Variants in EMG1 observed in about 807,000 individuals in gnomAD.
EMG1 encodes EMG1 N1-specific pseudouridine methyltransferase.
A neutral mutation model predicts 26.9 loss-of-function variants in EMG1; 24 were observed. That is an observed-to-expected ratio of 0.89 (90% CI 0.65 to 1.26). The LOEUF is 1.26. EMG1 is among the 50% of genes most tolerant of loss of function. The probability of loss-of-function intolerance (pLI) is 0.00; values close to 1 mark genes in which losing one functional copy is unlikely to be tolerated. For synonymous variants in EMG1, 140 were observed against 112.6 expected (o/e 1.24, Z -1.54); for missense variants, 299 against 307.6 (o/e 0.97, Z 0.21).
chr12:6,977,292 A>C lies in EMG1; in HGVS notation c.*1483A>C, dbSNP rs1555153374. 3 of 1,609,914 alleles carry C rather than the reference A, an allele frequency of 1.9e-6. No individual in the cohort carries two copies. In the South Asian group the frequency reaches 3.3e-5, roughly 18 times the overall value. On this transcript the variant is annotated 3_prime_UTR_variant, in exon 6 of 6. Transcript: ENST00000599672. The surrounding 1 kb of genome is among the most constrained non-coding windows in gnomAD (Gnocchi z 4.5). ...GGAGAGAGAGGCCACTAAGGTAGACAGGCCTGGAGTGTCCTTTGCAACCTT... is the reference window on the plus strand; with the variant it reads ...GGAGAGAGAGGCCACTAAGGTAGACCGGCCTGGAGTGTCCTTTGCAACCTT...
At position 6,979,703 on chromosome 12, in the gene EMG1, G is replaced by C. The variant is rs1240976403; in HGVS notation, c.*3894G>C. ...TTGTCTACCTGGAATGGGATGAGAA[G>C]CTCTGCTGCCCAAAGTGTTTCCTGT... is the stretch of plus-strand genomic sequence containing the variant. On this transcript the variant is annotated 3_prime_UTR_variant, in exon 6 of 6. Coordinates refer to ENST00000599672, the MANE Select transcript of EMG1 (RefSeq NM_006331.8). The C allele has an allele frequency of 8.9e-6, 6 of 675,004 alleles. No homozygotes were observed. In the African/African-American group the frequency reaches 1.1e-4, roughly 12 times the overall value. The allele number at this position is 675,004 out of a possible 1,614,324, so 41.8% of individuals were successfully genotyped here. A position where few individuals can be genotyped will look rare whatever the true frequency, so the allele number is the denominator to read the frequency against.
Position 6,976,861 on chromosome 12 carries a change from G to A in EMG1, c.*1052G>A, listed in dbSNP as rs782242872. On this transcript the variant is annotated 3_prime_UTR_variant, in exon 6 of 6. Coordinates refer to ENST00000599672, the MANE Select transcript of EMG1 (RefSeq NM_006331.8). ...AGGAGTGCTGTGAAAAGGGAGACGAGTAGTTTCTGCACCAGTCCCGCACAG... is the reference window on the plus strand; with the variant it reads ...AGGAGTGCTGTGAAAAGGGAGACGAATAGTTTCTGCACCAGTCCCGCACAG... 9.6e-5 allele frequency: 30 copies of A among 312,824 alleles called. No homozygotes were observed. In the South Asian group the frequency reaches 1.6e-3, roughly 16 times the overall value. The allele number at this position is 312,824 out of a possible 1,614,324, so 19.4% of individuals were successfully genotyped here.
At chr12:6,981,228 C>CGG (rs1555154031), downstream of EMG1, 2 of 1,481,552 alleles carry the variant, frequency 1.3e-6, no homozygotes, top group African/African-American at 2.8e-5. Flanking sequence ...CTTGAATCTC[C>CGG]CCACAAGAGC....
In EMG1 at chr12:6,977,143, G is replaced by A. The variant is rs1464559861; in HGVS notation, c.*1334G>A. 6.3e-7 allele frequency: 1 copy of A among 1,579,044 alleles called. No individual in the cohort carries two copies. Among genetic ancestry groups the A allele is most frequent in the African/African-American group, 1.3e-5 (1 of 74,226 alleles). On this transcript the variant is annotated 3_prime_UTR_variant, in exon 6 of 6. Transcript: ENST00000599672. This position sits in a 1 kb window ranked among gnomAD's most constrained non-coding sequence, Gnocchi z 4.5. ...AGCTGTATTAACTTACCAGGGAAAT[G>A]GATTATTCCATCTTCTTTAACTTCT... is the stretch of plus-strand genomic sequence containing the variant.
rs1251870677 is a variant in EMG1 at position 6,976,014 on chromosome 12, G to A, written c.*205G>A. On this transcript the variant is annotated 3_prime_UTR_variant, in exon 6 of 6. Coordinates refer to ENST00000599672, the MANE Select transcript of EMG1 (RefSeq NM_006331.8). The stretch of plus-strand genomic sequence containing the variant: ...TGGGGTTCCTAAAGTATCCAGTGGT[G>A]TAAAACTGTTTGTTCCCCGGGACTT... 5 of 511,644 alleles carry A rather than the reference G, an allele frequency of 9.8e-6. No individual in the cohort carries two copies. Among genetic ancestry groups the A allele is most frequent in the South Asian group, 5.7e-5 (2 of 35,118 alleles). The allele number at this position is 511,644 out of a possible 1,614,324, so 31.7% of individuals were successfully genotyped here.
Position 6,979,661 on chromosome 12 carries a change from A to G in EMG1, c.*3852A>G. On this transcript the variant is annotated 3_prime_UTR_variant, in exon 6 of 6. Transcript: ENST00000599672. ...CCTCTGACCTTCAGTTATGGAGAGG[A>G]GTGTTTAGGGGTGTGGTTGTCTACC... 1.0e-6 allele frequency: 1 copy of G among 955,120 alleles called. No homozygotes were observed. Among genetic ancestry groups the G allele is most frequent in the Non-Finnish European group, 1.7e-6 (1 of 593,746 alleles). 59.2% of individuals were successfully genotyped at this position (955,120 alleles called of 1,614,324 possible).
chr12:6,996,059 C>T (rs1946633397), intron 7 of EMG1, among the ~76,000 whole-genome samples: 1 of 152,188 alleles, frequency 6.6e-6, no homozygotes, highest in South Asian at 2.1e-4. Context: ...GGCCTCTATT[C>T]TCACTCAGAT....
chr12:6,975,407 T>C, intron 5 of EMG1, 29 bp downstream of exon 5: 1 of 1,562,480 alleles, frequency 6.4e-7, no homozygotes, highest in Non-Finnish European at 8.7e-7. Context: ...CCTGAAATTC[T>C]TGGTAGAGCT....
At chr12:6,993,360 G>A (rs1300880223) in intron 7 of EMG1, among the ~76,000 whole-genome samples, 1 of 151,988 alleles carries the variant, frequency 6.6e-6, no homozygotes, top group Non-Finnish European at 1.5e-5. Context: ...CTTGAACCCA[G>A]GAGGCAGAGA....
chr12:6,980,132 TG>T (rs111897902), downstream of EMG1, among the ~76,000 whole-genome samples: 350 of 151,998 alleles, frequency 2.3e-3, 3 homozygotes, highest in African/African-American at 7.9e-3. Flanking sequence ...GCTGTGGCCT[TG>T]AACTCCTGGG....
intron 6 of EMG1, among the ~76,000 whole-genome samples, chr12:6,985,773 T>G (rs1668559575): frequency 6.7e-6 from 1 of 148,652 alleles, no homozygotes; most frequent in South Asian, 2.1e-4. Flanking sequence ...CAACTGGTGT[T>G]TTTTTTTTTT....
In EMG1 at chr12:6,979,484, G is replaced by T; in HGVS notation, c.*3675G>T. The T allele has an allele frequency of 6.2e-7, 1 of 1,612,006 alleles. No individual in the cohort carries two copies. The highest frequency in any genetic ancestry group is 8.5e-7 in the Non-Finnish European group (1 of 1,178,024). On this transcript the variant is annotated 3_prime_UTR_variant, in exon 6 of 6. Transcript: ENST00000599672. ...GTAGACACTCACGTCATAGTCTTCA[G>T]TGAGGAGATAGTCTTCTGTGATGTG...
intron 6 of EMG1, among the ~76,000 whole-genome samples, chr12:6,985,210 T>C (rs1363933074): frequency 2.0e-5 from 3 of 146,774 alleles, no homozygotes; most frequent in African/African-American, 7.7e-5. Flanking sequence ...GCTAACACGG[T>C]GAAACCCCGT....
chr12:6,975,186 G>A (rs782050058), intron 4 of EMG1, 38 bp downstream of exon 4: 3 of 1,613,980 alleles, frequency 1.9e-6, no homozygotes, highest in South Asian at 1.1e-5. Flanking sequence ...GGCTGGTTCT[G>A]GGAATGTTTC....
downstream of EMG1, chr12:6,983,154 GTCAT>G: frequency 2.1e-6 from 1 of 470,350 alleles, no homozygotes; most frequent in Non-Finnish European, 3.9e-6. Flanking sequence ...GCTTGGCTCG[GTCAT>G]TCAGTTACAT....
rs1946524484 is a variant in EMG1, at chr12:6,986,201, C to G, written c.*155-1581C>G. Reference sequence around the variant, plus strand: ...ACAGCAAGGGTCCCCTTAGACTTCCCTCTGCCTCTGCCACTGCTGAGATGG... The same window carrying G: ...ACAGCAAGGGTCCCCTTAGACTTCCGTCTGCCTCTGCCACTGCTGAGATGG... On this transcript the variant is annotated intron_variant and NMD_transcript_variant, in intron 6 of 7. Transcript: ENST00000261406. Among the ~76,000 whole-genome samples the G allele has an allele frequency of 3.3e-5, 5 of 152,282 alleles. 1 individual carries two copies. The Middle Eastern group carries it at 0.014, about 414-fold the overall frequency.
chr12:6,996,900 G>A (rs1946640838), intron 7 of EMG1, among the ~76,000 whole-genome samples: 2 of 152,170 alleles, frequency 1.3e-5, no homozygotes, highest in Non-Finnish European at 2.9e-5. Context: ...GTAGGAAGGA[G>A]CATGGGGCAT....
downstream of EMG1, among the ~76,000 whole-genome samples, chr12:6,988,852 C>T (rs1490739247): frequency 2.0e-5 from 3 of 152,106 alleles, no homozygotes; most frequent in East Asian, 1.9e-4. Flanking sequence ...GTTGGCCGGG[C>T]GCCGTGGCTC....
downstream of EMG1, chr12:6,981,628 C>T: frequency 1.9e-6 from 3 of 1,594,782 alleles, no homozygotes; most frequent in Non-Finnish European, 2.6e-6. Flanking sequence ...AGTCAACAGC[C>T]AAACCTGAGC....
Sources: gnomAD v4.1 joint callset for allele counts (sites outside exome capture counted in the v4.1 genomes callset) on GRCh38, gnomAD v4.1.1 for gene constraint, Gnocchi (gnomAD v3.1) non-coding constraint, MANE v1.5 for transcripts, NCBI Gene and HGNC (gene_info 2026-07-23, HGNC 2026-07-21) for gene names.